RAB38: variants seen among roughly 807,000 people sequenced by gnomAD.
RAB38 encodes ras-related protein Rab-38.
Under a neutral mutation model 18.4 loss-of-function variants are expected in RAB38, and 15 were observed. The ratio of observed to expected loss-of-function variants is 0.82; its 90% CI spans 0.55 to 1.26. RAB38 has a LOEUF of 1.26. Ranked by LOEUF, RAB38 falls within the 50% of genes most tolerant of loss-of-function variation. RAB38 has a pLI of 0.00. For missense variants in RAB38, 294 were observed against 267.4 expected (o/e 1.10, Z -0.69); for synonymous variants, 101 against 104.4 (o/e 0.97, Z 0.20).
chr11:87,923,547 CTGTGTGTG>C, the RAB38 span, among the ~76,000 whole-genome samples: 5 of 146,860 alleles, frequency 3.4e-5, no homozygotes, highest in Admixed American at 6.8e-5. Context: ...TCAATTAATT[CTGTGTGTG>C]TGTGTGTGTG....
At chr11:87,957,157 C>G in the RAB38 span, among the ~76,000 whole-genome samples, 1 of 151,980 alleles carries the variant, frequency 6.6e-6, no homozygotes, top group Admixed American at 6.6e-5. Flanking sequence ...AAATTGATTC[C>G]CCCTTTGTCC....
the RAB38 span, among the ~76,000 whole-genome samples, chr11:88,024,078 T>C: frequency 9.2e-5 from 14 of 151,772 alleles, no homozygotes; most frequent in East Asian, 2.7e-3. Context: ...TTTTACATAG[T>C]GAAGGAAACA....
At chr11:87,955,266 G>C in the RAB38 span, among the ~76,000 whole-genome samples, 1 of 152,070 alleles carries the variant, frequency 6.6e-6, no homozygotes, top group Non-Finnish European at 1.5e-5. Flanking sequence ...AATTATAAAG[G>C]AAATATATTT....
At chr11:88,173,847 G>A in intron 1 of RAB38, 1 of 985,358 alleles carries the variant, frequency 1.0e-6, no homozygotes, top group East Asian at 1.1e-4. Context: ...CATGCTAAAA[G>A]AAAAAGGCCT....
the RAB38 span, chr11:87,815,836 A>G: frequency 1.3e-5 from 2 of 152,368 alleles, no homozygotes; most frequent in Non-Finnish European, 2.9e-5. Flanking sequence ...TAGGAATATA[A>G]ATGACCTGTA....
At chr11:88,111,249 C>T (rs570646893), downstream of RAB38, among the ~76,000 whole-genome samples, 25 of 152,200 alleles carry the variant, frequency 1.6e-4, no homozygotes, top group African/African-American at 5.5e-4. Flanking sequence ...TCAGATATCA[C>T]CAGTGATGGA....
downstream of RAB38, among the ~76,000 whole-genome samples, chr11:88,111,677 T>G (rs1253282153): frequency 1.3e-5 from 2 of 152,214 alleles, no homozygotes; most frequent in Non-Finnish European, 2.9e-5. Context: ...CCCTTAAATA[T>G]GAAGGAAGCC....
the RAB38 span, among the ~76,000 whole-genome samples, chr11:87,887,136 C>T: frequency 1.3e-5 from 2 of 151,930 alleles, no homozygotes; most frequent in Admixed American, 1.3e-4. Context: ...GCCGAGCAGG[C>T]TTGAGACTAT....
At chr11:88,027,493 C>T in the RAB38 span, among the ~76,000 whole-genome samples, 18 of 152,128 alleles carry the variant, frequency 1.2e-4, no homozygotes, top group Non-Finnish European at 2.2e-4. Flanking sequence ...ACAGACGGCA[C>T]CTGCAAAATT....
chr11:87,817,370 T>C, the RAB38 span: 13 of 152,190 alleles, frequency 8.5e-5, no homozygotes, highest in African/African-American at 3.1e-4. Context: ...AAGAGATCAA[T>C]TGAAACAATC....
At chr11:88,056,648 C>G in the RAB38 span, among the ~76,000 whole-genome samples, 1 of 151,874 alleles carries the variant, frequency 6.6e-6, no homozygotes, top group Non-Finnish European at 1.5e-5. Context: ...ACTAAATACA[C>G]AAAAAATTAG....
At chr11:87,854,158 T>C in the RAB38 span, among the ~76,000 whole-genome samples, 4 of 152,176 alleles carry the variant, frequency 2.6e-5, no homozygotes, top group African/African-American at 9.7e-5. Flanking sequence ...TTTTTTGCCA[T>C]ATAAGGTGAT....
chr11:87,932,426 A>G, the RAB38 span, among the ~76,000 whole-genome samples: 1 of 152,058 alleles, frequency 6.6e-6, no homozygotes, highest in African/African-American at 2.4e-5. Flanking sequence ...AAGTTTGTGC[A>G]GGGGTTTCTA....
At chr11:88,173,243 G>A (rs1943332727) in intron 1 of RAB38, among the ~76,000 whole-genome samples, 1 of 152,084 alleles carries the variant, frequency 6.6e-6, no homozygotes. Flanking sequence ...ATTTATATAG[G>A]CTTAAAAAAA....
At chr11:88,108,126 T>A in the RAB38 span, among the ~76,000 whole-genome samples, 1 of 152,196 alleles carries the variant, frequency 6.6e-6, no homozygotes, top group Non-Finnish European at 1.5e-5. Context: ...TCTCTAGATG[T>A]CTATTAGGTT....
chr11:88,139,686 G>T (rs1423058223), intron 2 of RAB38, among the ~76,000 whole-genome samples: 1 of 152,296 alleles, frequency 6.6e-6, no homozygotes, highest in African/African-American at 2.4e-5. Flanking sequence ...CCAAAGGAGT[G>T]TTTTCCAAAA....
the RAB38 span, among the ~76,000 whole-genome samples, chr11:87,976,649 TATAA>T: frequency 3.7e-5 from 4 of 107,850 alleles, no homozygotes; most frequent in South Asian, 2.9e-4. Flanking sequence ...TTATATGATA[TATAA>T]ATATATATAA....
chr11:87,977,383 ATATAAT>A, the RAB38 span, among the ~76,000 whole-genome samples: 2 of 45,152 alleles, frequency 4.4e-5, no homozygotes, highest in Non-Finnish European at 8.2e-5. Context: ...ATATTATAAA[ATATAAT>A]TATATATATA....
At chr11:87,953,934 C>G in the RAB38 span, among the ~76,000 whole-genome samples, 2 of 151,010 alleles carry the variant, frequency 1.3e-5, no homozygotes, top group Non-Finnish European at 2.9e-5. Context: ...TTTGAATTTC[C>G]TATTCCTGTT....
Sources: allele counts gnomAD v4.1 joint callset (sites outside exome capture counted in the v4.1 genomes callset), GRCh38; gene constraint gnomAD v4.1.1; transcripts MANE v1.5; gene names NCBI Gene and HGNC (gene_info 2026-07-23, HGNC 2026-07-21).